SNX29: variants seen among roughly 807,000 people sequenced by gnomAD.
The protein encoded by SNX29 is sorting nexin 29, also known as sorting nexin-29.
SNX29 carries 78 observed loss-of-function variants against 102.1 expected under a neutral mutation model. The observed-to-expected ratio is 0.76, with a 90% CI of 0.64 to 0.92. The LOEUF is 0.92. SNX29 is among the 40% of genes least tolerant of loss of function. The pLI is 0.00. For missense variants in SNX29, 1,280 were observed against 1,061.7 expected, an observed-to-expected ratio of 1.21 and a Z score of -2.86; for synonymous variants, 580 against 414.5, an observed-to-expected ratio of 1.40 and a Z score of -4.85.
chr16:12,516,992 T>C (rs1181724956), intron 19 of SNX29, among the ~76,000 whole-genome samples: 2 of 152,224 alleles, frequency 1.3e-5, no homozygotes, highest in Non-Finnish European at 2.9e-5. Context: ...AAATTAACCT[T>C]TTCTGGAGGG....
chr16:12,335,492 C>A (rs904441584), intron 15 of SNX29, among the ~76,000 whole-genome samples: 14 of 151,966 alleles, frequency 9.2e-5, no homozygotes, highest in African/African-American at 3.4e-4. Context: ...TAGGGAGGAC[C>A]CCTCCCACCC....
At chr16:12,292,146 A>T (rs1001302228) in intron 15 of SNX29, among the ~76,000 whole-genome samples, 2 of 152,132 alleles carry the variant, frequency 1.3e-5, no homozygotes, top group Admixed American at 6.5e-5. Context: ...GGACCTTGCC[A>T]GTGAGACAGG....
intron 14 of SNX29, among the ~76,000 whole-genome samples, chr16:12,207,708 C>G (rs978740290): frequency 3.9e-5 from 6 of 152,146 alleles, no homozygotes; most frequent in South Asian, 2.1e-4. Flanking sequence ...ATTTGTGGTA[C>G]GATCCAGCTC....
intron 14 of SNX29, among the ~76,000 whole-genome samples, chr16:12,247,308 G>A (rs76011148): frequency 0.022 from 3,393 of 152,250 alleles, 142 homozygotes; most frequent in African/African-American, 0.078. Flanking sequence ...AAGACCAGGA[G>A]TCCATGGCTT....
intron 20 of SNX29, among the ~76,000 whole-genome samples, chr16:12,561,326 G>A (rs767257061): frequency 3.3e-5 from 5 of 152,086 alleles, no homozygotes; most frequent in African/African-American, 4.8e-5. Flanking sequence ...GCAGAACTGG[G>A]TTTTCAAAGT....
chr16:12,154,345 GA>G (rs1272032314), intron 13 of SNX29, among the ~76,000 whole-genome samples: 1 of 143,224 alleles, frequency 7.0e-6, no homozygotes, highest in African/African-American at 2.6e-5. Context: ...CCCGTTCTGA[GA>G]CCCCCCACAG....
chr16:12,541,780 C>G (rs1052750681), intron 20 of SNX29, among the ~76,000 whole-genome samples: 1 of 152,138 alleles, frequency 6.6e-6, no homozygotes, highest in Non-Finnish European at 1.5e-5. Context: ...CGTTTCCAAC[C>G]CCCTGGAATG....
At chr16:12,454,219 G>A (rs550763748) in intron 18 of SNX29, among the ~76,000 whole-genome samples, 1 of 152,250 alleles carries the variant, frequency 6.6e-6, no homozygotes, top group East Asian at 1.9e-4. Context: ...GCCGCCTTGG[G>A]CCATGTGGTA....
chr16:12,263,131 C>T (rs533984069), intron 14 of SNX29, among the ~76,000 whole-genome samples: 2 of 149,436 alleles, frequency 1.3e-5, no homozygotes, highest in Non-Finnish European at 3.0e-5. Flanking sequence ...CTGTTGTCCA[C>T]CTTTTTTTTT....
chr16:12,481,577 C>A (rs888659908), intron 19 of SNX29, among the ~76,000 whole-genome samples: 1 of 151,520 alleles, frequency 6.6e-6, no homozygotes, highest in Non-Finnish European at 1.5e-5. Context: ...CCCTGTCGCC[C>A]AGGGTGGAGT....
chr16:12,568,456 A>C, intron 20 of SNX29, 50 bp from the exon 21 acceptor site: 2 of 1,601,406 alleles, frequency 1.2e-6, no homozygotes, highest in Non-Finnish European at 1.7e-6. Context: ...GCCTGTGGTC[A>C]TTTGCTTTTC....
chr16:12,125,589 T>C (rs2054170437), intron 11 of SNX29, among the ~76,000 whole-genome samples: 1 of 145,576 alleles, frequency 6.9e-6, no homozygotes. Context: ...AAGGGGGGCT[T>C]GTGGCTGAGA....
chr16:12,310,136 A>G (rs2080488351), intron 15 of SNX29, among the ~76,000 whole-genome samples: 2 of 152,248 alleles, frequency 1.3e-5, no homozygotes, highest in South Asian at 4.1e-4. Context: ...ATGCATGCAC[A>G]TACACACTGC....
At chr16:12,421,385 C>A (rs1288817295) in intron 18 of SNX29, among the ~76,000 whole-genome samples, 3 of 152,170 alleles carry the variant, frequency 2.0e-5, no homozygotes, top group Non-Finnish European at 4.4e-5. Flanking sequence ...GTTTGGAGAC[C>A]AAATGGGGCT....
chr16:12,376,593 G>A (rs566280460), intron 16 of SNX29, among the ~76,000 whole-genome samples: 36 of 151,744 alleles, frequency 2.4e-4, no homozygotes, highest in Non-Finnish European at 4.0e-4. Flanking sequence ...AAAATTAGCT[G>A]GGCATGGCGG....
At chr16:12,553,195 G>C (rs139513244) in intron 20 of SNX29, among the ~76,000 whole-genome samples, 1 of 152,182 alleles carries the variant, frequency 6.6e-6, no homozygotes, top group Non-Finnish European at 1.5e-5. Context: ...TACAGCTGCA[G>C]TTATTTCCAG....
chr16:12,122,649 G>C lies in SNX29; in HGVS notation c.1403-3984G>C, dbSNP rs1438887259. 3.3e-5 allele frequency among the ~76,000 whole-genome samples: 5 copies of C among 152,104 alleles called. No homozygotes were observed. In the South Asian group the frequency reaches 1.0e-3, roughly 32 times the overall value. On this transcript the variant is annotated intron_variant, in intron 11 of 20. Transcript: ENST00000566228. ...GAGCAAAGGAGATGGGCAGAGGCTG[G>C]AGCGGCAGAGAGGACATGGGTCTGG...
chr16:12,097,117 C>T (rs2052798930), intron 11 of SNX29, among the ~76,000 whole-genome samples: 1 of 152,204 alleles, frequency 6.6e-6, no homozygotes, highest in Non-Finnish European at 1.5e-5. Context: ...CTGTTGTCGC[C>T]ATTATGAAGC....
At chr16:11,982,432 T>TG (rs1417170156) in intron 1 of SNX29, among the ~76,000 whole-genome samples, 2 of 150,830 alleles carry the variant, frequency 1.3e-5, no homozygotes, top group African/African-American at 4.9e-5. Flanking sequence ...AGTTTTTTTT[T>TG]TTTTTTTTTT....
Sources: gnomAD v4.1 joint callset for allele counts (sites outside exome capture counted in the v4.1 genomes callset) on GRCh38, gnomAD v4.1.1 for gene constraint, MANE v1.5 for transcripts, NCBI Gene and HGNC (gene_info 2026-07-23, HGNC 2026-07-21) for gene names.